The following CLIP1 variants were observed in gnomAD, a reference collection of about 807,000 sequenced individuals.
The protein encoded by CLIP1 is CAP-Gly domain containing linker protein 1.
A neutral mutation model predicts 161.6 loss-of-function variants in CLIP1; 66 were observed. The observed-to-expected ratio is 0.41, with a 90% CI of 0.33 to 0.50. The LOEUF (loss-of-function observed/expected upper bound fraction) is 0.50. Among genes scored for constraint, CLIP1 ranks in the 20% least tolerant of loss-of-function variants. The pLI is 0.27. For missense variants in CLIP1, 1,376 were observed against 1,702.0 expected (o/e 0.81, Z 3.37); for synonymous variants, 598 against 626.2 (o/e 0.96, Z 0.67).
rs1318962441 is a variant in CLIP1 at position 122,383,098 on chromosome 12, G to A, written c.-106-2540C>T. ...TGTCTACGTCCATAAAATTTGAGAA[G>A]GATGCAAACAGGCTAAGTGTAGAAA... On this transcript the variant is annotated intron_variant, in intron 1 of 25. Coordinates refer to ENST00000620786, the MANE Select transcript of CLIP1 (RefSeq NM_001247997.2). 2.6e-5 allele frequency among the ~76,000 whole-genome samples: 4 copies of A among 152,264 alleles called. No individual in the cohort carries two copies. In the South Asian group the frequency reaches 6.2e-4, roughly 24 times the overall value.
At position 122,332,295 on chromosome 12, in the gene CLIP1, C is replaced by CA. The variant is rs1184288063; in HGVS notation, c.2867+691dup. Among the ~76,000 whole-genome samples, 609 of 61,118 alleles carry CA rather than the reference C, an allele frequency of 1.0e-2. 5 individuals are homozygous for CA. The highest frequency in any genetic ancestry group is 0.062 in the Admixed American group (359 of 5,764). The allele number at this position is 61,118 out of a possible 152,430, so 40.1% of individuals were successfully genotyped here. A position where few individuals can be genotyped will look rare whatever the true frequency, so the allele number is the denominator to read the frequency against. ...GGGCAAGAAGAGCAAAACTCCGTCT[C>CA]AAAAAAAAAAAAAAAGCGTATATGT... On this transcript the variant is annotated intron_variant, in intron 15 of 25. Transcript: ENST00000620786.
At chr12:122,400,504 A>G (rs1370668174) in intron 1 of CLIP1, 1 of 150,916 alleles carries the variant, frequency 6.6e-6, no homozygotes, top group Middle Eastern at 3.2e-3. Flanking sequence ...ACTGCCACAC[A>G]GAAGGGCTTT....
chr12:122,332,467 C>T (rs1034366526), intron 15 of CLIP1, among the ~76,000 whole-genome samples: 2 of 152,008 alleles, frequency 1.3e-5, no homozygotes, highest in Non-Finnish European at 1.5e-5. Context: ...ATTGCCCAGG[C>T]TAGAGTGCAG....
At chr12:122,390,233 TAC>T (rs1158726965) in intron 1 of CLIP1, among the ~76,000 whole-genome samples, 12 of 124,984 alleles carry the variant, frequency 9.6e-5, no homozygotes, top group Non-Finnish European at 1.3e-4. Context: ...CACACATATA[TAC>T]ACACACATAT....
chr12:122,373,312 G>A (rs897420849), intron 3 of CLIP1, among the ~76,000 whole-genome samples: 1 of 151,734 alleles, frequency 6.6e-6, no homozygotes, highest in Admixed American at 6.6e-5. Context: ...TGTAGTCCCA[G>A]CTCCGGAGGC....
At chr12:122,356,113 A>G (rs978720638) in intron 5 of CLIP1, 12 of 152,212 alleles carry the variant, frequency 7.9e-5, no homozygotes, top group Non-Finnish European at 1.8e-4. Flanking sequence ...TTACTTAAAC[A>G]TACCAGGAAG....
Position 122,272,902 on chromosome 12 carries a change from G to A in CLIP1, c.4290C>T (p.Thr1430=), listed in dbSNP as rs1358590490. The change falls in exon 26 of 26, where the codon ACC becomes ACT. Residue 1430 remains threonine (T), a synonymous_variant. Transcript: ENST00000620786. The stretch of plus-strand genomic sequence containing the variant: ...AGAAGGTTTCGTCGTCATTGCAGTT[G>A]GTGGCCCAGTGTCCAAACATCTCAC... ...EICEMFGHWA[T]NCNDDETF The A allele has an allele frequency of 5.6e-6, 9 of 1,614,040 alleles. No homozygotes were observed. In the Middle Eastern group the frequency reaches 8.2e-4, roughly 147 times the overall value.
intron 3 of CLIP1, among the ~76,000 whole-genome samples, chr12:122,368,522 T>G (rs774970122): frequency 1.3e-5 from 2 of 152,196 alleles, no homozygotes; most frequent in Non-Finnish European, 2.9e-5. Context: ...TCACAGTGCC[T>G]GAGTGCATAA....
chr12:122,398,918 C>A lies in CLIP1; in HGVS notation c.-106-18360G>T, dbSNP rs75566733. ...AATATATATTTTAATAAAATCTAAT[C>A]CCCCTTCCTCCTGACCAGATATCCA... On this transcript the variant is annotated intron_variant, in intron 1 of 25. Transcript: ENST00000620786. 9.2e-3 allele frequency among the ~76,000 whole-genome samples: 1,349 copies of A among 146,372 alleles called. 24 individuals carry two copies. The highest frequency in any genetic ancestry group is 0.032 in the African/African-American group (1,288 of 39,916).
chr12:122,377,847 T>G lies in CLIP1; in HGVS notation c.199A>C (p.Asn67His). 1 of 1,613,920 alleles carries G rather than the reference T, an allele frequency of 6.2e-7. No individual in the cohort carries two copies. The highest frequency in any genetic ancestry group is 2.2e-5 in the East Asian group (1 of 44,858). Reference sequence around the variant, plus strand: ...TGGATAAATCCAGGCTTATTTCCATTCACCCAAACTCGCTCCCCAACTCGA... The same window carrying G: ...TGGATAAATCCAGGCTTATTTCCATGCACCCAAACTCGCTCCCCAACTCGA... ...DFRVGERVWV[N>H]GNKPGFIQFL... The change falls in exon 3 of 26, where the codon AAT (asparagine) becomes CAT (histidine). Residue 67 changes from asparagine to histidine, a missense_variant. Around this residue, in one of 6 missense-constraint regions of CLIP1, gnomAD observed 27 missense variants for 64.1 expected, o/e 0.42. Coordinates refer to ENST00000620786, the MANE Select transcript of CLIP1 (RefSeq NM_001247997.2).
At chr12:122,321,340 G>T (rs1208569670) in intron 17 of CLIP1, among the ~76,000 whole-genome samples, 2 of 151,690 alleles carry the variant, frequency 1.3e-5, no homozygotes, top group East Asian at 3.9e-4. Flanking sequence ...CCATCTCCTG[G>T]ATTCAAGTGA....
At chr12:122,397,139 C>T (rs1383768826) in intron 1 of CLIP1, among the ~76,000 whole-genome samples, 2 of 151,682 alleles carry the variant, frequency 1.3e-5, no homozygotes, top group African/African-American at 4.8e-5. Flanking sequence ...AGTATGATCA[C>T]GTGACTGAGT....
chr12:122,304,332 C>T (rs1401998156), intron 20 of CLIP1, among the ~76,000 whole-genome samples: 1 of 152,148 alleles, frequency 6.6e-6, no homozygotes, highest in Non-Finnish European at 1.5e-5. Flanking sequence ...AGAGTCAAAC[C>T]ACAATTTTGT....
In CLIP1 at chr12:122,272,764, G is replaced by C; in HGVS notation, c.*111C>G. 1 of 884,404 alleles carries C rather than the reference G, an allele frequency of 1.1e-6. No individual in the cohort carries two copies. The allele number at this position is 884,404 out of a possible 1,614,324, so 54.8% of individuals were successfully genotyped here. ...AAAATATTTTCCTAGATTTGTTGAC[G>C]GGGTTAAAAAATAACATGAGTTCTC... is the stretch of plus-strand genomic sequence containing the variant. On this transcript the variant is annotated 3_prime_UTR_variant, in exon 26 of 26. Coordinates refer to ENST00000620786, the MANE Select transcript of CLIP1 (RefSeq NM_001247997.2).
intron 9 of CLIP1, among the ~76,000 whole-genome samples, chr12:122,349,925 A>G (rs1437390387): frequency 6.7e-6 from 1 of 148,282 alleles, no homozygotes; most frequent in East Asian, 2.0e-4. Context: ...TTTTTTTGAG[A>G]TGGAGTTTTG....
intron 6 of CLIP1, 187 bp from the exon 7 acceptor site, chr12:122,354,743 G>A (rs903504506): frequency 1.7e-6 from 1 of 588,322 alleles, no homozygotes; most frequent in African/African-American, 1.9e-5. Context: ...TGATGAAAGT[G>A]ATAAAGAACA....
At chr12:122,407,748 CAA>C (rs35500806) in intron 1 of CLIP1, among the ~76,000 whole-genome samples, 83 of 38,330 alleles carry the variant, frequency 2.2e-3, no homozygotes, top group African/African-American at 9.4e-3. Flanking sequence ...GACCCTGTCT[CAA>C]AAAAAAAAAA....
intron 3 of CLIP1, among the ~76,000 whole-genome samples, chr12:122,371,045 T>C (rs1160500156): frequency 6.6e-6 from 1 of 152,150 alleles, no homozygotes; most frequent in Middle Eastern, 3.2e-3. Context: ...GAAGCAGTCT[T>C]TTATATGGCA....
rs181377656 is a variant in CLIP1, at chr12:122,310,304, G to T, written c.3474-422C>A. On this transcript the variant is annotated intron_variant, in intron 19 of 25. Coordinates refer to ENST00000620786, the MANE Select transcript of CLIP1 (RefSeq NM_001247997.2). ...CAAGGCACTCTGTTCTAACTGCACA[G>T]ATCTATAATTTGTTTTTTTCTGGAA... Among the ~76,000 whole-genome samples the T allele has an allele frequency of 2.2e-4, 33 of 152,324 alleles. 1 individual carries two copies. The highest frequency in any genetic ancestry group is 6.8e-3 in the Middle Eastern group (2 of 294).
Sources: gnomAD v4.1 joint callset for allele counts (sites outside exome capture counted in the v4.1 genomes callset) on GRCh38, gnomAD v4.1.1 for gene constraint, gnomAD v4.1.1 regional missense constraint, MANE v1.5 for transcripts, NCBI Gene and HGNC (gene_info 2026-07-23, HGNC 2026-07-21) for gene names.